The following UGT8 variants were observed in gnomAD, a reference collection of about 807,000 sequenced individuals.
The protein encoded by UGT8 is UDP glycosyltransferase 8.
Under a neutral mutation model 40.5 loss-of-function variants are expected in UGT8, and 12 were observed. The observed-to-expected ratio is 0.30, with a 90% CI of 0.19 to 0.48. The LOEUF is 0.48. UGT8 is among the 20% of genes least tolerant of loss of function. The pLI, the probability that UGT8 is intolerant of heterozygous loss-of-function variation, is 0.99. For synonymous variants in UGT8, 224 were observed against 240.4 expected, an observed-to-expected ratio of 0.93 and a Z score of 0.63; for missense variants, 513 against 648.7, an observed-to-expected ratio of 0.79 and a Z score of 2.27.
chr4:114,676,243 G>A lies in UGT8; in HGVS notation c.1581G>A (p.Lys527=), dbSNP rs1455971340. 7 of 1,607,126 alleles carry A rather than the reference G, an allele frequency of 4.4e-6. No individual in the cohort carries two copies. The East Asian group carries it at 1.3e-4, about 31-fold the overall frequency. The change falls in exon 6 of 6, where the codon AAG becomes AAA. Residue 527 remains lysine, a synonymous_variant. Coordinates refer to ENST00000310836, the MANE Select transcript of UGT8 (RefSeq NM_001128174.3). ...GHYHNGILNG[K]YKRNGHIKHE... ...ACCACAATGGAATCCTCAATGGCAA[G>A]TACAAAAGAAATGGCCATATTAAAC...
In UGT8 at chr4:114,605,540, A is replaced by G. The variant is rs142005879; in HGVS notation, c.-3+6566A>G. ...TTGTGAAATCATTTTGTACTTTTTA[A>G]TTGTTTTGAAGAAATTTAATACTCA... On this transcript the variant is annotated intron_variant, in intron 1 of 5. Transcript: ENST00000310836. Among the ~76,000 whole-genome samples, 640 of 152,218 alleles carry G rather than the reference A, an allele frequency of 4.2e-3. 7 individuals are homozygous for G. Among genetic ancestry groups the G allele is most frequent in the African/African-American group, 0.015 (618 of 41,568 alleles).
Position 114,675,918 on chromosome 4 carries a change from T to C in UGT8, c.1263-7T>C, listed in dbSNP as rs776590927. 6.2e-7 allele frequency: 1 copy of C among 1,606,266 alleles called. No homozygotes were observed. On this transcript the variant is annotated splice_region_variant and splice_polypyrimidine_tract_variant and intron_variant, in intron 5 of 5. Transcript: ENST00000310836. The stretch of plus-strand genomic sequence containing the variant: ...TCATCATTCTGTGTTTTGTCCCCTC[T>C]CCATAGCTACCGTCAGAGGGCTCAG...
At chr4:114,662,888 C>T (rs1462652043) in intron 2 of UGT8, among the ~76,000 whole-genome samples, 1 of 129,748 alleles carries the variant, frequency 7.7e-6, no homozygotes, top group Non-Finnish European at 1.5e-5. Flanking sequence ...TGCAGTGGCA[C>T]AGTCTTGGCT....
At position 114,623,503 on chromosome 4, in the gene UGT8, G is replaced by C. The variant is rs1252849477; in HGVS notation, c.623G>C (p.Ser208Thr). Residue 208 changes from serine to threonine, a missense_variant, in exon 2 of 6, where the codon AGC (serine) becomes ACC (threonine). Physicochemically the swap from Ser to Thr is moderately conservative, Grantham distance 58. Around this residue, in one of 3 missense-constraint regions of UGT8, gnomAD observed 335 missense variants for 444.8 expected, o/e 0.75. Coordinates refer to ENST00000310836, the MANE Select transcript of UGT8 (RefSeq NM_001128174.3). ...GVYLISRLGV[S>T]FLVLPKYERI... ...TACCTCATTTCCAGATTAGGGGTCA[G>C]CTTTCTGGTTCTTCCCAAATATGAA... The C allele has an allele frequency of 6.2e-7, 1 of 1,614,142 alleles. No homozygotes were observed. The highest frequency in any genetic ancestry group is 1.7e-5 in the Admixed American group (1 of 60,024).
chr4:114,672,315 C>T (rs1735341431), intron 5 of UGT8, among the ~76,000 whole-genome samples: 1 of 152,142 alleles, frequency 6.6e-6, no homozygotes. Context: ...AATCCCAGTA[C>T]TGGGTATATA....
chr4:114,643,567 A>C (rs1733361634), intron 2 of UGT8, among the ~76,000 whole-genome samples: 1 of 152,198 alleles, frequency 6.6e-6, no homozygotes, highest in Admixed American at 6.5e-5. Context: ...AACAAAAGAT[A>C]AATCACTCCA....
In UGT8 at chr4:114,623,674, T is replaced by A. The variant is rs752286423; in HGVS notation, c.794T>A (p.Leu265Gln). Residue 265 changes from leucine (L) to glutamine (Q), a missense_variant, in exon 2 of 6, where the codon CTA becomes CAA. By Grantham distance (113) the Leu-to-Gln change is moderately radical. This residue lies in a region of UGT8 where 335 missense variants were observed against 444.8 expected (regional missense o/e 0.75). Transcript: ENST00000310836. ...AATGTTGTTTATGTAGGAGGAATCC[T>A]AACCAAACCAGCCAGCCCACTACCA... ...LPNVVYVGGI[L>Q]TKPASPLPED... 6.3e-7 allele frequency: 1 copy of A among 1,599,898 alleles called. No homozygotes were observed. Among genetic ancestry groups the A allele is most frequent in the Non-Finnish European group, 8.6e-7 (1 of 1,168,244 alleles).
intron 2 of UGT8, among the ~76,000 whole-genome samples, chr4:114,648,148 A>G (rs538698049): frequency 6.6e-6 from 1 of 152,070 alleles, no homozygotes; most frequent in South Asian, 2.1e-4. Context: ...ATTTCTCTTC[A>G]TTGTATAGGA....
chr4:114,654,512 G>A (rs887072924), intron 2 of UGT8, among the ~76,000 whole-genome samples: 6 of 152,016 alleles, frequency 3.9e-5, no homozygotes, highest in Admixed American at 1.3e-4. Flanking sequence ...TATACTGTCT[G>A]GGGAATCAGC....
At chr4:114,647,171 C>T (rs1269902072) in intron 2 of UGT8, among the ~76,000 whole-genome samples, 1 of 152,000 alleles carries the variant, frequency 6.6e-6, no homozygotes, top group Admixed American at 6.6e-5. Flanking sequence ...AAGTAGTCTC[C>T]AGTAGTATTG....
At chr4:114,659,370 GTTAC>G (rs1240270188) in intron 2 of UGT8, among the ~76,000 whole-genome samples, 7 of 152,162 alleles carry the variant, frequency 4.6e-5, no homozygotes, top group Non-Finnish European at 7.4e-5. Context: ...ATAGATATCT[GTTAC>G]TTAAGTTGCA....
chr4:114,608,152 T>G (rs1443057122), intron 1 of UGT8, among the ~76,000 whole-genome samples: 1 of 152,192 alleles, frequency 6.6e-6, no homozygotes, highest in Non-Finnish European at 1.5e-5. Context: ...GCTTGAGATG[T>G]CCTGCCTTTT....
intron 2 of UGT8, among the ~76,000 whole-genome samples, chr4:114,650,552 A>G (rs1452066575): frequency 6.6e-6 from 1 of 152,182 alleles, no homozygotes; most frequent in Non-Finnish European, 1.5e-5. Context: ...ATTTTTATTT[A>G]AAGTATAATA....
At chr4:114,675,839 T>C in intron 5 of UGT8, 86 bp from the exon 6 acceptor site, 1 of 1,478,160 alleles carries the variant, frequency 6.8e-7, no homozygotes, top group Non-Finnish European at 9.0e-7. Context: ...TTGTTTTAAT[T>C]ATTTCCCCTT....
intron 1 of UGT8, among the ~76,000 whole-genome samples, chr4:114,608,919 C>T (rs1730884780): frequency 6.6e-6 from 1 of 152,174 alleles, no homozygotes; most frequent in African/African-American, 2.4e-5. Flanking sequence ...CCCCACTTCC[C>T]CATAGACCTT....
intron 1 of UGT8, among the ~76,000 whole-genome samples, chr4:114,606,633 C>T (rs1417598071): frequency 6.6e-6 from 1 of 152,092 alleles, no homozygotes; most frequent in Non-Finnish European, 1.5e-5. Context: ...TAATCACTGA[C>T]TGTTGGTTTT....
intron 2 of UGT8, among the ~76,000 whole-genome samples, chr4:114,651,987 T>C (rs959211610): frequency 6.6e-6 from 1 of 151,860 alleles, no homozygotes; most frequent in South Asian, 2.1e-4. Flanking sequence ...TAAAGGAATT[T>C]ATAGTCTGCA....
At chr4:114,614,223 G>C (rs1371541843) in intron 1 of UGT8, among the ~76,000 whole-genome samples, 1 of 152,130 alleles carries the variant, frequency 6.6e-6, no homozygotes, top group Non-Finnish European at 1.5e-5. Flanking sequence ...TGGTACAACA[G>C]CAACAACAAC....
rs71753758 is a variant in UGT8 at position 114,648,371 on chromosome 4, GT to G, written c.823-15603del. Among the ~76,000 whole-genome samples, 980 of 125,624 alleles carry G rather than the reference GT, an allele frequency of 7.8e-3. 10 individuals are homozygous for G. Among genetic ancestry groups the G allele is most frequent in the African/African-American group, 0.018 (608 of 34,620 alleles). The allele number at this position is 125,624 out of a possible 152,430, so 82.4% of individuals were successfully genotyped here. A position where few individuals can be genotyped will look rare whatever the true frequency, so the allele number is the denominator to read the frequency against. On this transcript the variant is annotated intron_variant, in intron 2 of 5. Coordinates refer to ENST00000310836, the MANE Select transcript of UGT8 (RefSeq NM_001128174.3). ...TGATCTCAGACACACAGAAAATCTG[GT>G]TTTTTTTTTTTTTTTTTTTTAGTCA...
Sources: gnomAD v4.1 joint callset for allele counts (sites outside exome capture counted in the v4.1 genomes callset) on GRCh38, gnomAD v4.1.1 for gene constraint, gnomAD v4.1.1 regional missense constraint, MANE v1.5 for transcripts, NCBI Gene and HGNC (gene_info 2026-07-23, HGNC 2026-07-21) for gene names.